The following ZNF407 variants were observed in gnomAD, a reference collection of about 807,000 sequenced individuals.
The protein encoded by ZNF407 is zinc finger protein 407.
A neutral mutation model predicts 131.2 loss-of-function variants in ZNF407; 17 were observed. The observed-to-expected ratio is 0.13, with a 90% CI of 0.09 to 0.19. ZNF407 has a LOEUF of 0.19. Ranked by LOEUF, ZNF407 falls within the 10% of genes least tolerant of loss-of-function variation. ZNF407 has a pLI of 1.00. For missense variants in ZNF407, 2,681 were observed against 2,830.6 expected, an observed-to-expected ratio of 0.95 and a Z score of 1.20; for synonymous variants, 1,156 against 1,062.0, an observed-to-expected ratio of 1.09 and a Z score of -1.72.
At chr18:74,622,938 G>T (rs536610888) in intron 1 of ZNF407, among the ~76,000 whole-genome samples, 1 of 152,226 alleles carries the variant, frequency 6.6e-6, no homozygotes, top group Non-Finnish European at 1.5e-5. Flanking sequence ...GAATGTGTGT[G>T]TATATATCTG....
intron 4 of ZNF407, among the ~76,000 whole-genome samples, chr18:74,855,341 A>T (rs1970844662): frequency 6.6e-6 from 1 of 152,228 alleles, no homozygotes; most frequent in African/African-American, 2.4e-5. Context: ...AGGATTTTCA[A>T]AATGTGATCC....
At chr18:74,668,931 G>T (rs12458417) in intron 3 of ZNF407, among the ~76,000 whole-genome samples, 116,174 of 151,708 alleles carry the variant, frequency 0.77, 46,439 homozygotes, top group Non-Finnish European at 0.87. Flanking sequence ...CTAAGTCTCT[G>T]TTCTCATGCG....
At chr18:74,708,648 G>C (rs1027409956) in intron 3 of ZNF407, among the ~76,000 whole-genome samples, 5 of 152,164 alleles carry the variant, frequency 3.3e-5, no homozygotes, top group East Asian at 1.9e-4. Context: ...AGCCCTTTCT[G>C]GGGGAGCAGC....
chr18:74,617,314 A>G (rs1245838095), intron 1 of ZNF407, among the ~76,000 whole-genome samples: 3 of 152,070 alleles, frequency 2.0e-5, no homozygotes, highest in Non-Finnish European at 4.4e-5. Context: ...CTGTGGTGCT[A>G]TTTTCAGTTT....
At chr18:74,694,869 G>T (rs1350870151) in intron 3 of ZNF407, among the ~76,000 whole-genome samples, 1 of 152,030 alleles carries the variant, frequency 6.6e-6, no homozygotes, top group Non-Finnish European at 1.5e-5. Context: ...ATTTTCATTT[G>T]ATAATCAAAA....
At chr18:74,869,333 C>T (rs1971055447) in intron 4 of ZNF407, among the ~76,000 whole-genome samples, 1 of 152,138 alleles carries the variant, frequency 6.6e-6, no homozygotes, top group Admixed American at 6.5e-5. Flanking sequence ...ATGTCTTATT[C>T]TCCAGGACTT....
chr18:75,041,570 G>A (rs1404964918), intron 8 of ZNF407, among the ~76,000 whole-genome samples: 1 of 151,042 alleles, frequency 6.6e-6, no homozygotes, highest in Non-Finnish European at 1.5e-5. Context: ...GAAAAGTATT[G>A]TAGGTCTCTC....
chr18:75,047,036 A>C (rs1384325958), intron 8 of ZNF407, among the ~76,000 whole-genome samples: 1 of 152,224 alleles, frequency 6.6e-6, no homozygotes, highest in African/African-American at 2.4e-5. Flanking sequence ...TATCTATTAG[A>C]ATATTTGGGA....
At chr18:74,803,886 A>G (rs1970064113) in intron 4 of ZNF407, 6 of 1,489,940 alleles carry the variant, frequency 4.0e-6, no homozygotes, top group Non-Finnish European at 5.5e-6. Context: ...ACGGAGCGAA[A>G]AATGTTCACG....
Position 74,982,965 on chromosome 18 carries a change from T to A in ZNF407, c.5428+62273T>A, listed in dbSNP as rs879582755. On this transcript the variant is annotated intron_variant, in intron 8 of 8. Coordinates refer to ENST00000299687, the MANE Select transcript of ZNF407 (RefSeq NM_017757.3). The stretch of plus-strand genomic sequence containing the variant: ...AGTGTAAAGTTGTCTGAAAAAAAAT[T>A]TTTTTCCTTTTATCATCATTTAATT... Among the ~76,000 whole-genome samples the A allele has an allele frequency of 2.2e-4, 33 of 152,250 alleles. No homozygotes were observed. The Middle Eastern group carries it at 0.01, about 47-fold the overall frequency.
intron 3 of ZNF407, among the ~76,000 whole-genome samples, chr18:74,655,493 C>T (rs921177205): frequency 2.6e-5 from 4 of 152,002 alleles, no homozygotes; most frequent in East Asian, 1.9e-4. Flanking sequence ...ATCACTTGCA[C>T]GCATAGCATG....
At position 74,829,784 on chromosome 18, in the gene ZNF407, CTA is replaced by C. The variant is rs552437651; in HGVS notation, c.4878-47412_4878-47411del. On this transcript the variant is annotated intron_variant, in intron 4 of 8. Coordinates refer to ENST00000299687, the MANE Select transcript of ZNF407 (RefSeq NM_017757.3). The stretch of plus-strand genomic sequence containing the variant: ...TTTCTGGATCACATTTGAAAAACTG[CTA>C]ATTCTGGTCTTTCACCTAAGAGAGC... Among the ~76,000 whole-genome samples, 12 of 150,710 alleles carry C rather than the reference CTA, an allele frequency of 8.0e-5. No homozygotes were observed. The South Asian group carries it at 2.5e-3, about 32-fold the overall frequency.
At chr18:74,650,921 ATAT>A (rs1393523844) in intron 3 of ZNF407, among the ~76,000 whole-genome samples, 2 of 151,486 alleles carry the variant, frequency 1.3e-5, no homozygotes, top group Non-Finnish European at 2.9e-5. Context: ...AAATTGCTAT[ATAT>A]GTGTGTGTGT....
At position 75,004,277 on chromosome 18, in the gene ZNF407, T is replaced by C. The variant is rs544027164; in HGVS notation, c.5429-58873T>C. Among the ~76,000 whole-genome samples, 7 of 152,320 alleles carry C rather than the reference T, an allele frequency of 4.6e-5. No homozygotes were observed. The East Asian group carries it at 1.4e-3, about 29-fold the overall frequency. ...ATACCTAGGCTTTTGCTGTATCTGA[T>C]GCATTCTTGGGGCTAATTTAGGATA... On this transcript the variant is annotated intron_variant, in intron 8 of 8. Transcript: ENST00000299687.
chr18:74,815,350 T>C (rs1970253710), intron 4 of ZNF407, among the ~76,000 whole-genome samples: 1 of 152,176 alleles, frequency 6.6e-6, no homozygotes, highest in East Asian at 1.9e-4. Flanking sequence ...CTTATGAAAA[T>C]GTCACTGACG....
intron 3 of ZNF407, among the ~76,000 whole-genome samples, chr18:74,700,859 C>T (rs985448331): frequency 7.2e-5 from 11 of 152,084 alleles, no homozygotes; most frequent in South Asian, 2.1e-4. Flanking sequence ...AACATTGGAG[C>T]GTATTTATTA....
At chr18:74,729,035 A>C (rs886467577) in intron 3 of ZNF407, among the ~76,000 whole-genome samples, 1 of 151,992 alleles carries the variant, frequency 6.6e-6, no homozygotes, top group African/African-American at 2.4e-5. Context: ...AGTGTTTTCC[A>C]GTTTTGGTGC....
At chr18:74,842,292 T>G (rs1208113480) in intron 4 of ZNF407, among the ~76,000 whole-genome samples, 1 of 152,214 alleles carries the variant, frequency 6.6e-6, no homozygotes, top group Non-Finnish European at 1.5e-5. Flanking sequence ...TTTCTTTGTG[T>G]TGGCCCATAA....
chr18:74,978,804 G>T (rs1972555982), intron 8 of ZNF407, among the ~76,000 whole-genome samples: 1 of 152,168 alleles, frequency 6.6e-6, no homozygotes, highest in South Asian at 2.1e-4. Flanking sequence ...TGGACATGGA[G>T]GTGGTCATTG....
Sources: gnomAD v4.1 joint callset for allele counts (sites outside exome capture counted in the v4.1 genomes callset) on GRCh38, gnomAD v4.1.1 for gene constraint, MANE v1.5 for transcripts, NCBI Gene and HGNC (gene_info 2026-07-23, HGNC 2026-07-21) for gene names.